Variants in CYFIP1 observed in about 807,000 individuals in gnomAD.
CYFIP1 encodes the protein cytoplasmic FMR1 interacting protein 1, also known as cytoplasmic FMR1-interacting protein 1.
A neutral mutation model predicts 163.5 loss-of-function variants in CYFIP1; 58 were observed. The ratio of observed to expected loss-of-function variants is 0.35; its 90% CI spans 0.29 to 0.44. The LOEUF is 0.44. Ranked by LOEUF, CYFIP1 falls within the 20% of genes least tolerant of loss-of-function variation. CYFIP1 has a pLI of 1.00. For missense variants in CYFIP1, 1,338 were observed against 1,653.8 expected, an observed-to-expected ratio of 0.81 and a Z score of 3.31; for synonymous variants, 663 against 660.7, an observed-to-expected ratio of 1.00 and a Z score of -0.05.
intron 18 of CYFIP1, 84 bp downstream of exon 18, chr15:22,912,095 A>C (rs2060804389): frequency 1.7e-5 from 21 of 1,248,404 alleles, no homozygotes; most frequent in Non-Finnish European, 2.4e-5. Context: ...ATTTTAAAGA[A>C]AGTTGAATAC....
At chr15:22,874,241 T>G (rs191996794) in intron 28 of CYFIP1, among the ~76,000 whole-genome samples, 25 of 152,334 alleles carry the variant, frequency 1.6e-4, no homozygotes, top group African/African-American at 5.5e-4. Context: ...CTGGCCTAAT[T>G]TCTTCTGTTC....
chr15:22,934,857 G>A (rs1048984205), intron 9 of CYFIP1, among the ~76,000 whole-genome samples: 1 of 128,584 alleles, frequency 7.8e-6, no homozygotes, highest in African/African-American at 2.7e-5. Flanking sequence ...GAAATACTTT[G>A]CAACAGCATC....
intron 8 of CYFIP1, among the ~76,000 whole-genome samples, chr15:22,938,893 C>G (rs954108714): frequency 6.8e-6 from 1 of 147,970 alleles, no homozygotes; most frequent in East Asian, 2.0e-4. Flanking sequence ...AGAGCAACAC[C>G]CTGCCTTGAG....
Position 22,937,062 on chromosome 15 carries a change from C to T in CYFIP1, c.900+42G>A, listed in dbSNP as rs370594737. ...TCACTTCCCCAAAATTCAAAGTGCA[C>T]ACAAATCAATAAAAACATTGATCTA... On this transcript the variant is annotated intron_variant, in intron 9 of 30. Transcript: ENST00000617928. The T allele has an allele frequency of 1.0e-4, 138 of 1,382,384 alleles. No individual in the cohort carries two copies. In the African/African-American group the frequency reaches 1.5e-3, roughly 15 times the overall value. The allele number at this position is 1,382,384 out of a possible 1,614,324, so 85.6% of individuals were successfully genotyped here. A position where few individuals can be genotyped will look rare whatever the true frequency, so the allele number is the denominator to read the frequency against.
intron 6 of CYFIP1, among the ~76,000 whole-genome samples, chr15:22,942,097 CT>C (rs1741654756): frequency 6.6e-6 from 1 of 152,208 alleles, no homozygotes; most frequent in Non-Finnish European, 1.5e-5. Flanking sequence ...ATCTAGACTT[CT>C]GTGCAGAGCT....
chr15:22,899,531 A>T (rs1225200935), intron 22 of CYFIP1, among the ~76,000 whole-genome samples: 1 of 132,820 alleles, frequency 7.5e-6, no homozygotes, highest in African/African-American at 2.8e-5. Flanking sequence ...CATGGTTTTA[A>T]AAGGTGAGTT....
chr15:22,978,948 C>A (rs75091020), intron 1 of CYFIP1, among the ~76,000 whole-genome samples: 11,425 of 152,158 alleles, frequency 0.075, 495 homozygotes, highest in East Asian at 0.15. Flanking sequence ...CATGCACCTG[C>A]TACAGCTCAC....
At chr15:22,880,202 G>A (rs1013481009) in intron 25 of CYFIP1, among the ~76,000 whole-genome samples, 159 bp from the exon 26 acceptor site, 1 of 152,196 alleles carries the variant, frequency 6.6e-6, no homozygotes, top group African/African-American at 2.4e-5. Flanking sequence ...CCCTGCAGCG[G>A]TGGTTTATTC....
chr15:22,878,463 G>C (rs2059647775), intron 26 of CYFIP1, among the ~76,000 whole-genome samples: 1 of 152,082 alleles, frequency 6.6e-6, no homozygotes, highest in Non-Finnish European at 1.5e-5. Flanking sequence ...AGCCACTAGA[G>C]GAGGGACAAA....
chr15:22,964,305 C>T (rs1175080380), intron 1 of CYFIP1, among the ~76,000 whole-genome samples: 54 of 114,220 alleles, frequency 4.7e-4, no homozygotes, highest in Admixed American at 1.4e-3. Context: ...CACACACACA[C>T]ACACACACAA....
At chr15:22,875,105 A>G (rs1415553543) in intron 27 of CYFIP1, 94 bp downstream of exon 27, 3 of 1,197,090 alleles carry the variant, frequency 2.5e-6, no homozygotes, top group Admixed American at 1.7e-5. Flanking sequence ...CAAACCCACA[A>G]TCTGCACTGG....
intron 1 of CYFIP1, among the ~76,000 whole-genome samples, chr15:22,977,848 A>G (rs2063328973): frequency 6.6e-6 from 1 of 152,036 alleles, no homozygotes; most frequent in South Asian, 2.1e-4. Context: ...AATAAAATAA[A>G]ATAACATAAC....
At chr15:22,968,931 T>C (rs144522417) in intron 1 of CYFIP1, among the ~76,000 whole-genome samples, 1 of 152,220 alleles carries the variant, frequency 6.6e-6, no homozygotes, top group African/African-American at 2.4e-5. Context: ...CTTCACCACT[T>C]CAGCTGTGGG....
rs1241596484 is a variant in CYFIP1, at chr15:22,882,908, G to C, written c.2780C>G (p.Ala927Gly). ...CTTCAGCAGCTCCTCCATGACCACG[G>C]CGATACCCTGGTAGCCGAGAAGCCG... is the stretch of plus-strand genomic sequence containing the variant. ...ICRLLGYQGI[A>G]VVMEELLKVV... Residue 927 changes from alanine (A) to glycine (G), a missense_variant, in exon 24 of 31, where the codon GCC becomes GGC. Ala to Gly is a moderately conservative substitution (Grantham distance 60, BLOSUM62 0). Around this residue, in one of 4 missense-constraint regions of CYFIP1, gnomAD observed 824 missense variants for 995.7 expected, o/e 0.83. Coordinates refer to ENST00000617928, the MANE Select transcript of CYFIP1 (RefSeq NM_014608.6). The C allele has an allele frequency of 1.9e-6, 3 of 1,613,998 alleles. No homozygotes were observed. Among genetic ancestry groups the C allele is most frequent in the Non-Finnish European group, 2.5e-6 (3 of 1,179,924 alleles).
chr15:22,921,828 A>G (rs1228396342), intron 13 of CYFIP1, among the ~76,000 whole-genome samples: 1 of 151,860 alleles, frequency 6.6e-6, no homozygotes, highest in Admixed American at 6.6e-5. Flanking sequence ...AGGGGACATT[A>G]GCAGTTTATA....
intron 10 of CYFIP1, 115 bp from the exon 11 acceptor site, chr15:22,932,455 T>G (rs1375969560): frequency 1.5e-5 from 9 of 595,306 alleles, no homozygotes; most frequent in Non-Finnish European, 2.0e-5. Flanking sequence ...TTTATGTTTT[T>G]AAAGGGTTGT....
intron 1 of CYFIP1, among the ~76,000 whole-genome samples, chr15:22,978,063 G>C (rs1188083813): frequency 1.3e-5 from 2 of 151,768 alleles, no homozygotes. Flanking sequence ...GAATACTATA[G>C]TGATTTGGCC....
At chr15:22,966,281 G>A (rs1225095361) in intron 1 of CYFIP1, among the ~76,000 whole-genome samples, 1 of 151,534 alleles carries the variant, frequency 6.6e-6, no homozygotes, top group African/African-American at 2.4e-5. Context: ...GCTGAGGCAG[G>A]AGAATCGCTC....
intron 27 of CYFIP1, 49 bp downstream of exon 27, chr15:22,875,150 C>T (rs753814031): frequency 1.1e-5 from 17 of 1,557,538 alleles, no homozygotes; most frequent in Non-Finnish European, 1.5e-5. Flanking sequence ...GTGGGCACCA[C>T]CCCCACAGAG....
Sources: allele counts gnomAD v4.1 joint callset (sites outside exome capture counted in the v4.1 genomes callset), GRCh38; gene constraint gnomAD v4.1.1; regional missense constraint gnomAD v4.1.1; transcripts MANE v1.5; gene names NCBI Gene and HGNC (gene_info 2026-07-23, HGNC 2026-07-21).